SLC38A9: variants seen among roughly 807,000 people sequenced by gnomAD.
SLC38A9 encodes the protein solute carrier family 38 member 9.
A neutral mutation model predicts 62.3 loss-of-function variants in SLC38A9; 48 were observed. The observed-to-expected ratio is 0.77, with a 90% CI of 0.61 to 0.98. The LOEUF is 0.98. SLC38A9 is among the 50% of genes least tolerant of loss of function. The pLI is 0.00. For missense variants in SLC38A9, 541 were observed against 679.8 expected (o/e 0.80, Z 2.27); for synonymous variants, 204 against 227.7 (o/e 0.90, Z 0.94).
chr5:55,696,904 C>CTGCAATCTCG (rs1755916062), intron 3 of SLC38A9: 3 of 160,670 alleles, frequency 1.9e-5, no homozygotes, highest in East Asian at 1.9e-4. Context: ...CGGGCAGAGG[C>CTGCAATCTCG]GCTCCTCACA....
chr5:55,659,367 A>C (rs1469380356), intron 8 of SLC38A9, among the ~76,000 whole-genome samples: 1 of 150,062 alleles, frequency 6.7e-6, no homozygotes, highest in Non-Finnish European at 1.5e-5. Context: ...ACTATTAAAA[A>C]AACTGGAAAG....
intron 11 of SLC38A9, among the ~76,000 whole-genome samples, chr5:55,646,286 G>C (rs978642554): frequency 2.6e-5 from 4 of 152,038 alleles, no homozygotes; most frequent in Admixed American, 1.3e-4. Flanking sequence ...CAGGGGAATC[G>C]CTTGAACCTA....
intron 4 of SLC38A9, among the ~76,000 whole-genome samples, chr5:55,671,422 A>G (rs1751298387): frequency 4.0e-5 from 6 of 151,216 alleles, no homozygotes; most frequent in Admixed American, 3.9e-4. Flanking sequence ...TGGCTCTTTG[A>G]CTCCTGGTTT....
intron 4 of SLC38A9, among the ~76,000 whole-genome samples, chr5:55,671,810 T>C (rs1751381134): frequency 6.6e-6 from 1 of 151,912 alleles, no homozygotes; most frequent in South Asian, 2.1e-4. Context: ...ATTGCGCCAC[T>C]GCACTCCAGC....
chr5:55,693,220 T>A (rs1398078362), intron 3 of SLC38A9: 1 of 153,548 alleles, frequency 6.5e-6, no homozygotes, highest in African/African-American at 2.4e-5. Flanking sequence ...CAGTTTCCTA[T>A]TTACTACCCA....
chr5:55,695,261 T>A lies in SLC38A9; in HGVS notation c.113+2585A>T, dbSNP rs1755331735. The stretch of plus-strand genomic sequence containing the variant: ...CTCATATAGATTTTACACATTCATG[T>A]TAAGACCATTTCTTTTTTTTTTTTT... On this transcript the variant is annotated intron_variant, in intron 3 of 15. Coordinates refer to ENST00000396865, the MANE Select transcript of SLC38A9 (RefSeq NM_173514.4). Among the ~76,000 whole-genome samples the A allele has an allele frequency of 2.2e-5, 3 of 135,668 alleles. No individual in the cohort carries two copies. In the Admixed American group the frequency reaches 2.3e-4, roughly 11 times the overall value. The allele number at this position is 135,668 out of a possible 152,430, so 89.0% of individuals were successfully genotyped here.
intron 4 of SLC38A9, among the ~76,000 whole-genome samples, chr5:55,672,188 T>C (rs924522499): frequency 1.3e-5 from 2 of 152,132 alleles, no homozygotes; most frequent in African/African-American, 4.8e-5. Flanking sequence ...TAAAAAAATA[T>C]TTCCCTTACA....
At chr5:55,638,660 T>C (rs1211379752) in intron 12 of SLC38A9, among the ~76,000 whole-genome samples, 4 of 152,060 alleles carry the variant, frequency 2.6e-5, no homozygotes, top group South Asian at 2.1e-4. Flanking sequence ...CAGTGGAGCA[T>C]TTACTAACAA....
At chr5:55,670,534 C>T (rs982102055) in intron 4 of SLC38A9, among the ~76,000 whole-genome samples, 7 of 152,044 alleles carry the variant, frequency 4.6e-5, no homozygotes, top group African/African-American at 1.7e-4. Context: ...TTTCAGAAAA[C>T]GAGTGTGGAT....
At chr5:55,655,534 C>A (rs747158219) in intron 9 of SLC38A9, among the ~76,000 whole-genome samples, 24 of 152,096 alleles carry the variant, frequency 1.6e-4, no homozygotes, top group South Asian at 4.1e-4. Flanking sequence ...TATGTGTCCA[C>A]AGGAATAAAA....
intron 10 of SLC38A9, among the ~76,000 whole-genome samples, chr5:55,650,664 T>C (rs1747225572): frequency 6.6e-6 from 1 of 152,196 alleles, no homozygotes; most frequent in Non-Finnish European, 1.5e-5. Context: ...ATCTTCTGTG[T>C]GTCTATGGCA....
At chr5:55,706,202 T>G (rs1757277155) in intron 2 of SLC38A9, among the ~76,000 whole-genome samples, 2 of 152,112 alleles carry the variant, frequency 1.3e-5, no homozygotes, top group Admixed American at 1.3e-4. Context: ...CCAGTGGCAG[T>G]GAAACAAGGG....
At chr5:55,684,337 C>A (rs1157847963) in intron 3 of SLC38A9, among the ~76,000 whole-genome samples, 1 of 152,120 alleles carries the variant, frequency 6.6e-6, no homozygotes, top group Non-Finnish European at 1.5e-5. Flanking sequence ...AATAAAAAAA[C>A]TGTATAAATA....
At chr5:55,667,946 A>G (rs1030816351) in intron 7 of SLC38A9, among the ~76,000 whole-genome samples, 8 of 152,178 alleles carry the variant, frequency 5.3e-5, no homozygotes, top group Non-Finnish European at 1.0e-4. Flanking sequence ...AGAGGTGAGC[A>G]GATCACTTGA....
intron 2 of SLC38A9, among the ~76,000 whole-genome samples, chr5:55,707,662 T>G (rs1561454593): frequency 6.6e-6 from 1 of 152,194 alleles, no homozygotes; most frequent in Non-Finnish European, 1.5e-5. Flanking sequence ...GCAAGACCAC[T>G]AAGTCAAATC....
At chr5:55,638,818 C>T (rs1400070062) in intron 12 of SLC38A9, among the ~76,000 whole-genome samples, 1 of 152,032 alleles carries the variant, frequency 6.6e-6, no homozygotes, top group Non-Finnish European at 1.5e-5. Context: ...TTTTAAAGAA[C>T]AAAGCAGGGT....
chr5:55,645,968 T>A, intron 11 of SLC38A9, 73 bp from the exon 12 acceptor site: 1 of 935,024 alleles, frequency 1.1e-6, no homozygotes, highest in Non-Finnish European at 1.7e-6. Context: ...AAAAGTTGAC[T>A]ACTAAAAATC....
At chr5:55,677,600 G>A (rs761248016) in intron 3 of SLC38A9, among the ~76,000 whole-genome samples, 2 of 151,964 alleles carry the variant, frequency 1.3e-5, no homozygotes, top group Admixed American at 6.6e-5. Flanking sequence ...ACCGTGGTGC[G>A]CTGATAGCTC....
chr5:55,687,426 C>CAAAAAAAAA (rs34476189), intron 3 of SLC38A9, among the ~76,000 whole-genome samples: 13 of 76,418 alleles, frequency 1.7e-4, no homozygotes, highest in African/African-American at 6.6e-4. Flanking sequence ...GACTCCGTCT[C>CAAAAAAAAA]AAAAAAAAAA....
Sources: allele counts gnomAD v4.1 joint callset (sites outside exome capture counted in the v4.1 genomes callset), GRCh38; gene constraint gnomAD v4.1.1; transcripts MANE v1.5; gene names NCBI Gene and HGNC (gene_info 2026-07-23, HGNC 2026-07-21).